MYCBP2: variants seen among roughly 807,000 people sequenced by gnomAD.
MYCBP2 encodes MYC binding protein 2, also known as E3 ubiquitin-protein ligase MYCBP2.
MYCBP2 carries 120 observed loss-of-function variants against 525.3 expected under a neutral mutation model. The observed-to-expected ratio is 0.23, with a 90% confidence interval of 0.20 to 0.27. The LOEUF is 0.27. Among genes scored for constraint, MYCBP2 ranks in the 10% least tolerant of loss-of-function variants. The pLI is 1.00. For synonymous variants in MYCBP2, 1,894 were observed against 1,955.8 expected (o/e 0.97, Z 0.83); for missense variants, 4,149 against 5,657.1 (o/e 0.73, Z 8.55).
intron 3 of MYCBP2, among the ~76,000 whole-genome samples, chr13:77,281,248 A>T (rs1252620365): frequency 6.6e-6 from 1 of 152,220 alleles, no homozygotes; most frequent in African/African-American, 2.4e-5. Context: ...TTTAATGTGT[A>T]CATAGAAAAA....
At chr13:77,262,156 T>C in intron 10 of MYCBP2, 27 bp from the exon 11 acceptor site, 1 of 1,563,584 alleles carries the variant, frequency 6.4e-7, no homozygotes, top group Non-Finnish European at 8.8e-7. Context: ...ATAAATACTA[T>C]TGCATTTCTA....
At chr13:77,097,329 A>C (rs372220356) in intron 56 of MYCBP2, 41 bp downstream of exon 56, 17 of 1,541,596 alleles carry the variant, frequency 1.1e-5, no homozygotes, top group Non-Finnish European at 1.3e-5. Context: ...GGTTCATTAA[A>C]GAAAAAAGCA....
At chr13:77,198,941 T>C (rs1027824643) in intron 26 of MYCBP2, among the ~76,000 whole-genome samples, 6 of 152,220 alleles carry the variant, frequency 3.9e-5, no homozygotes, top group Non-Finnish European at 7.3e-5. Context: ...CAGTGGTAAA[T>C]TGTTGAAAAT....
intron 52 of MYCBP2, among the ~76,000 whole-genome samples, chr13:77,130,034 T>G: frequency 6.6e-6 from 1 of 151,880 alleles, no homozygotes. Flanking sequence ...AATTAACATC[T>G]TCACAAAATG....
intron 23 of MYCBP2, 138 bp from the exon 24 acceptor site, chr13:77,206,963 G>C: frequency 1.5e-6 from 1 of 653,172 alleles, no homozygotes; most frequent in Non-Finnish European, 2.3e-6. Flanking sequence ...ATTATCTTCT[G>C]GATCTAAGCT....
At chr13:77,059,486 A>G (rs955958816) in intron 77 of MYCBP2, 37 bp downstream of exon 77, 1 of 1,463,558 alleles carries the variant, frequency 6.8e-7, no homozygotes, top group Non-Finnish European at 9.6e-7. Context: ...ACAGGGGAAC[A>G]TGGACAATGG....
intron 41 of MYCBP2, among the ~76,000 whole-genome samples, chr13:77,166,016 T>G (rs1369443791): frequency 6.6e-6 from 1 of 152,212 alleles, no homozygotes; most frequent in African/African-American, 2.4e-5. Context: ...ATAAAAGATC[T>G]AATCCATTGT....
In MYCBP2 at chr13:77,082,003, C is replaced by T. The variant is rs73541756; in HGVS notation, c.11037-10G>A. 4,047 of 1,611,544 alleles carry T rather than the reference C, an allele frequency of 2.5e-3. 92 individuals are homozygous for T. The African/African-American group carries it at 0.046, about 18-fold the overall frequency. ...TTTGAGACTCCAGCACCTAAAAAGG[C>T]GATATATAAGCAATATACGAAATAA... On this transcript the variant is annotated splice_polypyrimidine_tract_variant and intron_variant, in intron 63 of 82. Coordinates refer to ENST00000544440, the MANE Select transcript of MYCBP2 (RefSeq NM_015057.5).
intron 49 of MYCBP2, among the ~76,000 whole-genome samples, chr13:77,143,939 C>T (rs1036825136): frequency 2.6e-5 from 4 of 152,314 alleles, no homozygotes; most frequent in Admixed American, 6.5e-5. Flanking sequence ...ATACGCTGTT[C>T]GTCACTGACC....
At chr13:77,165,667 T>C (rs1259672990) in intron 41 of MYCBP2, among the ~76,000 whole-genome samples, 2 of 152,244 alleles carry the variant, frequency 1.3e-5, no homozygotes, top group African/African-American at 2.4e-5. Context: ...TTCAGTTACA[T>C]GGGCAATCAT....
intron 1 of MYCBP2, among the ~76,000 whole-genome samples, chr13:77,316,090 T>G (rs1404711472): frequency 1.3e-5 from 2 of 151,922 alleles, no homozygotes; most frequent in Non-Finnish European, 2.9e-5. Context: ...AATTAAGTAA[T>G]TGGAATAAAG....
rs766649191 is a variant in MYCBP2 at position 77,083,060 on chromosome 13, C to T, written c.11008G>A (p.Gly3670Ser). 74 of 1,612,886 alleles carry T rather than the reference C, an allele frequency of 4.6e-5. No individual in the cohort carries two copies. The highest frequency in any genetic ancestry group is 6.0e-5 in the Non-Finnish European group (71 of 1,179,420). Reference protein sequence around the residue: ...ISDLMMSLPSGSSLQQMALRC... With the variant: ...ISDLMMSLPSSSSLQQMALRC... ...AGGGCCATTTGCTGTAATGAACTGC[C>T]GCTGGGGAGAGACATCATAAGGTCT... The change falls in exon 63 of 83, where the codon GGC becomes AGC. Residue 3670 changes from glycine to serine, a missense_variant. Coordinates refer to ENST00000544440, the MANE Select transcript of MYCBP2 (RefSeq NM_015057.5).
intron 61 of MYCBP2, 43 bp from the exon 62 acceptor site, chr13:77,087,676 G>T: frequency 6.4e-7 from 1 of 1,553,574 alleles, no homozygotes; most frequent in Non-Finnish European, 8.8e-7. Context: ...TAAAATACAT[G>T]AGTTTAAAAA....
intron 14 of MYCBP2, among the ~76,000 whole-genome samples, chr13:77,255,385 T>G (rs563392320): frequency 1.3e-5 from 2 of 151,954 alleles, no homozygotes; most frequent in Non-Finnish European, 2.9e-5. Flanking sequence ...AAAAATCTTT[T>G]AACAATTTTA....
At chr13:77,242,915 C>T (rs534073406) in intron 17 of MYCBP2, 144 bp downstream of exon 17, 1 of 644,794 alleles carries the variant, frequency 1.6e-6, no homozygotes, top group Non-Finnish European at 2.7e-6. Flanking sequence ...AATATTTTCC[C>T]ATTATATGAG....
At chr13:77,288,109 CA>C in intron 3 of MYCBP2, 51 bp downstream of exon 3, 5 of 1,566,612 alleles carry the variant, frequency 3.2e-6, no homozygotes, top group Non-Finnish European at 4.4e-6. Flanking sequence ...GCATTATAGC[CA>C]GAACACCTGC....
chr13:77,165,307 G>A lies in MYCBP2; in HGVS notation c.6425C>T (p.Ala2142Val), dbSNP rs762745483. 3.1e-6 allele frequency: 5 copies of A among 1,611,340 alleles called. No homozygotes were observed. The highest frequency in any genetic ancestry group is 4.2e-6 in the Non-Finnish European group (5 of 1,178,924). ...TCCAGGGCTAAATTCATATCCAATT[G>A]CAAAACACTTAAAACCATAGAAAGA... Reference protein sequence around the residue: ...KASFYGFKCFAIGYEFSPGPD... With the variant: ...KASFYGFKCFVIGYEFSPGPD... Residue 2142 changes from alanine to valine, a missense_variant, in exon 42 of 83, where the codon GCA becomes GTA. Physicochemically the swap from Ala to Val is moderately conservative, Grantham distance 64 (BLOSUM62 0). Around this residue, in one of 21 missense-constraint regions of MYCBP2, gnomAD observed 692 missense variants for 852.7 expected, o/e 0.81. Transcript: ENST00000544440.
intron 55 of MYCBP2, among the ~76,000 whole-genome samples, chr13:77,105,548 TAA>T (rs1485616614): frequency 6.6e-6 from 1 of 152,070 alleles, no homozygotes; most frequent in Admixed American, 6.6e-5. Context: ...TTAATTTTTA[TAA>T]AGATTTATAC....
chr13:77,065,908 TCTC>T, intron 72 of MYCBP2, 81 bp downstream of exon 72: 3 of 882,120 alleles, frequency 3.4e-6, no homozygotes, highest in Non-Finnish European at 5.4e-6. Context: ...CTAATCTACA[TCTC>T]CTATCAATTC....
Sources: gnomAD v4.1 joint callset for allele counts (sites outside exome capture counted in the v4.1 genomes callset) on GRCh38, gnomAD v4.1.1 for gene constraint, gnomAD v4.1.1 regional missense constraint, MANE v1.5 for transcripts, NCBI Gene and HGNC (gene_info 2026-07-23, HGNC 2026-07-21) for gene names.